Variants in SOX6 observed in about 807,000 individuals in gnomAD.
The protein encoded by SOX6 is SRY-box transcription factor 6.
Under a neutral mutation model 97.8 loss-of-function variants are expected in SOX6, and 11 were observed. The observed-to-expected ratio is 0.11, with a 90% CI of 0.07 to 0.19. The LOEUF (loss-of-function observed/expected upper bound fraction) is 0.19, where lower values mean the gene tolerates loss of function less well. Ranked by LOEUF, SOX6 falls within the 10% of genes least tolerant of loss-of-function variation. The probability of loss-of-function intolerance (pLI) is 1.00; values close to 1 mark genes in which losing one functional copy is unlikely to be tolerated. For missense variants in SOX6, 810 were observed against 1,039.5 expected (o/e 0.78, Z 3.04); for synonymous variants, 360 against 371.4 (o/e 0.97, Z 0.35).
At chr11:16,444,665 T>C (rs886647595) in intron 1 of SOX6, among the ~76,000 whole-genome samples, 1 of 152,218 alleles carries the variant, frequency 6.6e-6, no homozygotes, top group Non-Finnish European at 1.5e-5. Flanking sequence ...AGAAAATGTG[T>C]CCTAAAGCAA....
intron 2 of SOX6, among the ~76,000 whole-genome samples, chr11:16,719,489 T>C (rs1208619753): frequency 6.6e-6 from 1 of 152,196 alleles, no homozygotes; most frequent in Non-Finnish European, 1.5e-5. Context: ...TTCCAAGTCT[T>C]TAACAAATTT....
At chr11:15,987,057 A>G (rs895360753) in intron 14 of SOX6, among the ~76,000 whole-genome samples, 3 of 152,250 alleles carry the variant, frequency 2.0e-5, no homozygotes, top group Non-Finnish European at 4.4e-5. Flanking sequence ...CAATAAAAGT[A>G]CAAAAATTTT....
chr11:16,202,387 C>G (rs1395626511), intron 4 of SOX6, among the ~76,000 whole-genome samples: 2 of 152,016 alleles, frequency 1.3e-5, no homozygotes, highest in Non-Finnish European at 2.9e-5. Flanking sequence ...TTATTTTAAG[C>G]AGAAAACTCA....
At chr11:16,159,350 T>C (rs1039514465) in intron 6 of SOX6, among the ~76,000 whole-genome samples, 1 of 152,134 alleles carries the variant, frequency 6.6e-6, no homozygotes, top group Non-Finnish European at 1.5e-5. Context: ...TTATATTTCT[T>C]ATCTTTTCTA....
At chr11:16,662,940 C>T (rs562821643) in intron 3 of SOX6, among the ~76,000 whole-genome samples, 2 of 152,012 alleles carry the variant, frequency 1.3e-5, no homozygotes, top group Non-Finnish European at 2.9e-5. Flanking sequence ...AATTCTCCCA[C>T]CTTGGCCCCC....
chr11:16,282,345 T>C (rs1459704466), intron 3 of SOX6, among the ~76,000 whole-genome samples: 1 of 151,554 alleles, frequency 6.6e-6, no homozygotes, highest in African/African-American at 2.4e-5. Context: ...ATACAGATAT[T>C]CATTTATTTT....
At chr11:16,302,671 G>A (rs1430088735) in intron 3 of SOX6, among the ~76,000 whole-genome samples, 4 of 144,158 alleles carry the variant, frequency 2.8e-5, no homozygotes, top group African/African-American at 5.1e-5. Context: ...CTGGGTTCAC[G>A]TGATTCTCCT....
intron 4 of SOX6, among the ~76,000 whole-genome samples, chr11:16,230,996 A>G (rs192613245): frequency 2.6e-5 from 4 of 151,870 alleles, no homozygotes; most frequent in African/African-American, 9.6e-5. Context: ...TGAGAATAAA[A>G]TTAAGTTATA....
chr11:16,359,780 A>G (rs1857162708), upstream of SOX6, among the ~76,000 whole-genome samples: 2 of 152,324 alleles, frequency 1.3e-5, no homozygotes, highest in African/African-American at 4.8e-5. Flanking sequence ...GAGAAGTTAT[A>G]CTAATAAAAA....
chr11:16,659,229 G>A (rs553617809), intron 3 of SOX6, among the ~76,000 whole-genome samples: 72 of 152,200 alleles, frequency 4.7e-4, no homozygotes, highest in African/African-American at 1.6e-3. Context: ...GTATAAGGTC[G>A]GTATCTAAAT....
chr11:16,441,103 A>G (rs1859495505), intron 1 of SOX6, among the ~76,000 whole-genome samples: 1 of 152,068 alleles, frequency 6.6e-6, no homozygotes, highest in Non-Finnish European at 1.5e-5. Flanking sequence ...TGTCACATCC[A>G]GAGACTTCCT....
At chr11:16,712,257 A>G (rs938496348) in intron 3 of SOX6, among the ~76,000 whole-genome samples, 3 of 152,178 alleles carry the variant, frequency 2.0e-5, no homozygotes, top group African/African-American at 7.2e-5. Context: ...CCTCTGGGTA[A>G]ATACCCAGTA....
At chr11:16,485,273 T>C (rs1045419536) in intron 4 of SOX6, among the ~76,000 whole-genome samples, 5 of 152,132 alleles carry the variant, frequency 3.3e-5, no homozygotes, top group Non-Finnish European at 7.4e-5. Flanking sequence ...ATAAAAATAG[T>C]GTCTACACAA....
intron 9 of SOX6, among the ~76,000 whole-genome samples, chr11:16,074,788 A>T (rs769742749): frequency 6.6e-6 from 1 of 152,212 alleles, no homozygotes; most frequent in Non-Finnish European, 1.5e-5. Flanking sequence ...AAATGGCCAT[A>T]CTGCCAAAAG....
At chr11:16,588,785 T>C (rs1011750019) in intron 4 of SOX6, among the ~76,000 whole-genome samples, 3 of 152,178 alleles carry the variant, frequency 2.0e-5, no homozygotes, top group African/African-American at 7.2e-5. Context: ...TCCCAGCATT[T>C]TGGGAGGCTG....
chr11:16,340,541 G>A (rs552025108), intron 2 of SOX6, among the ~76,000 whole-genome samples: 67 of 152,006 alleles, frequency 4.4e-4, no homozygotes, highest in Non-Finnish European at 7.7e-4. Context: ...AGTGAGAAAA[G>A]CTTTATTATA....
intron 4 of SOX6, chr11:16,577,181 G>A (rs1847992298): frequency 6.6e-6 from 1 of 152,124 alleles, no homozygotes; most frequent in African/African-American, 2.4e-5. Context: ...TTTTAAAAAT[G>A]GAACCTCACA....
chr11:16,293,524 C>G (rs908395311), intron 3 of SOX6, among the ~76,000 whole-genome samples: 4 of 152,052 alleles, frequency 2.6e-5, no homozygotes, highest in Non-Finnish European at 5.9e-5. Context: ...GATGCCAGAG[C>G]TAACTTGAGC....
At position 15,972,734 on chromosome 11, in the gene SOX6, C is replaced by T; in HGVS notation, c.*75G>A. 4 of 1,483,996 alleles carry T rather than the reference C, an allele frequency of 2.7e-6. No homozygotes were observed. The highest frequency in any genetic ancestry group is 3.8e-6 in the Non-Finnish European group (4 of 1,064,224). 91.9% of individuals were successfully genotyped at this position (1,483,996 alleles called of 1,614,324 possible). On this transcript the variant is annotated 3_prime_UTR_variant, in exon 16 of 16. Coordinates refer to ENST00000683767, the MANE Select transcript of SOX6 (RefSeq NM_001367873.1). ...GTAATTGTGGAGCCACAAATGCATG[C>T]GGGCTCTTTAATAACTCTTTGTTGG...
Sources: allele counts gnomAD v4.1 joint callset (sites outside exome capture counted in the v4.1 genomes callset), GRCh38; gene constraint gnomAD v4.1.1; transcripts MANE v1.5; gene names NCBI Gene and HGNC (gene_info 2026-07-23, HGNC 2026-07-21).